The following SHISA8 variants were observed in gnomAD, a reference collection of about 807,000 sequenced individuals.
The protein encoded by SHISA8 is protein shisa-8.
Under a neutral mutation model 21.1 loss-of-function variants are expected in SHISA8, and 21 were observed. That is an observed-to-expected ratio of 0.99 (90% CI 0.71 to 1.43). SHISA8 has a LOEUF of 1.43. SHISA8 is among the 40% of genes most tolerant of loss of function. SHISA8 has a pLI of 0.00. For missense variants in SHISA8, 535 were observed against 599.1 expected, an observed-to-expected ratio of 0.89 and a Z score of 1.12; for synonymous variants, 300 against 291.4, an observed-to-expected ratio of 1.03 and a Z score of -0.30.
At chr22:41,912,939 C>T (rs1445558372) in intron 1 of SHISA8, among the ~76,000 whole-genome samples, 1 of 152,230 alleles carries the variant, frequency 6.6e-6, no homozygotes, top group Non-Finnish European at 1.5e-5. Context: ...TTTTCCCCGC[C>T]CCTGTCAAAG....
At chr22:41,911,389 C>A (rs1404253599) in intron 1 of SHISA8, 40 bp from the exon 2 acceptor site, 10 of 1,233,746 alleles carry the variant, frequency 8.1e-6, no homozygotes, top group Non-Finnish European at 9.1e-6. Context: ...CTGTCTCCCA[C>A]CTCATCAAAA....
Position 41,914,292 on chromosome 22 carries a change from C to T in SHISA8, c.376G>A (p.Asp126Asn). The change falls in exon 1 of 4, where the codon GAC becomes AAC. Residue 126 changes from aspartate to asparagine, a missense_variant. Physicochemically the swap from Asp to Asn is conservative, Grantham distance 23. Transcript: ENST00000621082. The surrounding 1 kb of genome is among the most constrained non-coding windows in gnomAD (Gnocchi z 6.8). ...CCGGGGTCCCGGGGCGCTGCGGTGT[C>T]GCGGGCGCGGGCGGGCGGCCGGCCT... Reference protein sequence around the residue: ...QTGRPPARARDTAAPRDPGRE... With the variant: ...QTGRPPARARNTAAPRDPGRE... 1 of 1,253,126 alleles carries T rather than the reference C, an allele frequency of 8.0e-7. No homozygotes were observed. Among genetic ancestry groups the T allele is most frequent in the East Asian group, 3.2e-5 (1 of 31,306 alleles). 77.6% of individuals were successfully genotyped at this position (1,253,126 alleles called of 1,614,324 possible).
chr22:41,910,409 T>TGCGGCCTTGAGCGCG lies in SHISA8; in HGVS notation c.795_809dup (p.Ala266_Ala270dup), dbSNP rs1015928793. 6.7e-6 allele frequency: 9 copies of TGCGGCCTTGAGCGCG among 1,348,090 alleles called. No individual in the cohort carries two copies. The highest frequency in any genetic ancestry group is 7.6e-6 in the Non-Finnish European group (8 of 1,050,152). The allele number at this position is 1,348,090 out of a possible 1,614,324, so 83.5% of individuals were successfully genotyped here. On this transcript the variant is annotated inframe_insertion and splice_region_variant, in exon 3 of 4. Transcript: ENST00000621082. This position sits in a 1 kb window ranked among gnomAD's most constrained non-coding sequence, Gnocchi z 6.8. ...ACGCTGCCCGCACCCGCCACTCACC[T>TGCGGCCTTGAGCGCG]GCGGCCTTGAGCGCGGCGGCCTTGA...
intron 1 of SHISA8, among the ~76,000 whole-genome samples, chr22:41,911,739 CTTT>C (rs889036419): frequency 6.6e-6 from 1 of 151,956 alleles, no homozygotes; most frequent in Non-Finnish European, 1.5e-5. Context: ...TCCAGGAATC[CTTT>C]TTTTTAATTT....
Position 41,914,812 on chromosome 22 carries a change from C to T in SHISA8, c.-145G>A. 1.8e-6 allele frequency: 1 copy of T among 551,986 alleles called. No individual in the cohort carries two copies. 34.2% of individuals were successfully genotyped at this position (551,986 alleles called of 1,614,324 possible). On this transcript the variant is annotated 5_prime_UTR_variant, in exon 1 of 4. Coordinates refer to ENST00000621082, the MANE Select transcript of SHISA8 (RefSeq NM_001207020.3). The surrounding 1 kb of genome is among the most constrained non-coding windows in gnomAD (Gnocchi z 6.8). ...TCGGCCTCCTCTGGGGACCCCAGCC[C>T]CGAGTGGGCTGGGTCTGGAGCTCCG...
chr22:41,914,764 C>G lies in SHISA8; in HGVS notation c.-97G>C. 1.1e-6 allele frequency: 1 copy of G among 899,606 alleles called. No homozygotes were observed. The highest frequency in any genetic ancestry group is 1.3e-6 in the Non-Finnish European group (1 of 750,732). 55.7% of individuals were successfully genotyped at this position (899,606 alleles called of 1,614,324 possible). A position where few individuals can be genotyped will look rare whatever the true frequency, so the allele number is the denominator to read the frequency against. On this transcript the variant is annotated 5_prime_UTR_variant, in exon 1 of 4. Transcript: ENST00000621082. This position sits in a 1 kb window ranked among gnomAD's most constrained non-coding sequence, Gnocchi z 6.8. ...CGCTCCCGCAGGGATCGCGCTGGCTCCCGGCGCACGCCGCCTCGGCCGTCG... is the reference window on the plus strand; with the variant it reads ...CGCTCCCGCAGGGATCGCGCTGGCTGCCGGCGCACGCCGCCTCGGCCGTCG...
intron 1 of SHISA8, 23 bp from the exon 2 acceptor site, chr22:41,911,372 T>A: frequency 5.7e-6 from 7 of 1,235,794 alleles, no homozygotes; most frequent in Non-Finnish European, 7.1e-6. Flanking sequence ...CAGTCAGGGG[T>A]GGCCCTCTGT....
At position 41,910,175 on chromosome 22, in the gene SHISA8, C is replaced by A; in HGVS notation, c.812-28G>T. ...GCGGGGACAGGGCAGGGAAGAGTGA[C>A]GCCGCGCCGAGCACCCAAGCTCAGG... On this transcript the variant is annotated intron_variant, in intron 3 of 3. Coordinates refer to ENST00000621082, the MANE Select transcript of SHISA8 (RefSeq NM_001207020.3). This position sits in a 1 kb window ranked among gnomAD's most constrained non-coding sequence, Gnocchi z 6.8. 2 of 1,229,390 alleles carry A rather than the reference C, an allele frequency of 1.6e-6. No individual in the cohort carries two copies. Among genetic ancestry groups the A allele is most frequent in the Non-Finnish European group, 2.0e-6 (2 of 987,436 alleles). 76.2% of individuals were successfully genotyped at this position (1,229,390 alleles called of 1,614,324 possible). A position where few individuals can be genotyped will look rare whatever the true frequency, so the allele number is the denominator to read the frequency against.
At position 41,914,356 on chromosome 22, in the gene SHISA8, G is replaced by T; in HGVS notation, c.312C>A (p.Ser104Arg). The T allele has an allele frequency of 7.9e-7, 1 of 1,273,632 alleles. No homozygotes were observed. The highest frequency in any genetic ancestry group is 9.9e-7 in the Non-Finnish European group (1 of 1,009,438). 78.9% of individuals were successfully genotyped at this position (1,273,632 alleles called of 1,614,324 possible). Reference protein sequence around the residue: ...CHDGPRRLDQSRCSNYDTPAW... With the variant: ...CHDGPRRLDQRRCSNYDTPAW... Reference sequence around the variant, plus strand: ...CCGGCGTGTCGTAGTTGGAACAGCGGCTCTGGTCGAGGCGCCGCGGCCCGT... The same window carrying T: ...CCGGCGTGTCGTAGTTGGAACAGCGTCTCTGGTCGAGGCGCCGCGGCCCGT... Residue 104 changes from serine (S) to arginine (R), a missense_variant, in exon 1 of 4, where the codon AGC (serine) becomes AGA (arginine). Coordinates refer to ENST00000621082, the MANE Select transcript of SHISA8 (RefSeq NM_001207020.3). This position sits in a 1 kb window ranked among gnomAD's most constrained non-coding sequence, Gnocchi z 6.8.
intron 2 of SHISA8, among the ~76,000 whole-genome samples, chr22:41,911,011 C>T (rs1256547054): frequency 1.3e-5 from 2 of 152,166 alleles, no homozygotes; most frequent in Non-Finnish European, 2.9e-5. Flanking sequence ...CACATCACAG[C>T]CCCCCAGACT....
Position 41,910,051 on chromosome 22 carries a change from G to A in SHISA8, c.908C>T (p.Pro303Leu). ...ARAPRPSPDL[P>L]APLDACPWAP... ...CCAGGGGCAGGCGTCCAGCGGCGCA[G>A]GCAAGTCCGGGGATGGTCGCGGAGC... Residue 303 changes from proline (P) to leucine (L), a missense_variant, in exon 4 of 4, where the codon CCT becomes CTT. Transcript: ENST00000621082. The surrounding 1 kb of genome is among the most constrained non-coding windows in gnomAD (Gnocchi z 6.8). 2 of 1,254,770 alleles carry A rather than the reference G, an allele frequency of 1.6e-6. No homozygotes were observed. The highest frequency in any genetic ancestry group is 2.0e-6 in the Non-Finnish European group (2 of 1,004,862). 77.7% of individuals were successfully genotyped at this position (1,254,770 alleles called of 1,614,324 possible).
chr22:41,914,486 C>A lies in SHISA8; in HGVS notation c.182G>T (p.Arg61Leu). 7.7e-7 allele frequency: 1 copy of A among 1,294,202 alleles called. No individual in the cohort carries two copies. Among genetic ancestry groups the A allele is most frequent in the Non-Finnish European group, 9.8e-7 (1 of 1,018,206 alleles). The allele number at this position is 1,294,202 out of a possible 1,614,324, so 80.2% of individuals were successfully genotyped here. ...CTGGCCCATCACGTCGTAGTAGCCGCGGCAGCGGTCGCCCCCCTCCGGGGC... is the reference window on the plus strand; with the variant it reads ...CTGGCCCATCACGTCGTAGTAGCCGAGGCAGCGGTCGCCCCCCTCCGGGGC... ...TTAPEGGDRC[R>L]GYYDVMGQWD... is the part of the protein sequence containing the mutation. The change falls in exon 1 of 4, where the codon CGC becomes CTC. Residue 61 changes from arginine to leucine, a missense_variant. Physicochemically the swap from Arg to Leu is moderately radical, Grantham distance 102 (BLOSUM62 -2). Coordinates refer to ENST00000621082, the MANE Select transcript of SHISA8 (RefSeq NM_001207020.3). This position sits in a 1 kb window ranked among gnomAD's most constrained non-coding sequence, Gnocchi z 6.8.
Position 41,910,676 on chromosome 22 carries a change from G to C in SHISA8, c.665-122C>G. ...GAGAACCTGGGGGACCGTTCTCCGG[G>C]CGAGGCTGCGAGCCAAGCCTGTCTT... On this transcript the variant is annotated intron_variant, in intron 2 of 3. Coordinates refer to ENST00000621082, the MANE Select transcript of SHISA8 (RefSeq NM_001207020.3). The surrounding 1 kb of genome is among the most constrained non-coding windows in gnomAD (Gnocchi z 6.8). The C allele has an allele frequency of 2.7e-6, 3 of 1,118,172 alleles. No individual in the cohort carries two copies. Among genetic ancestry groups the C allele is most frequent in the Non-Finnish European group, 3.4e-6 (3 of 892,184 alleles). 69.3% of individuals were successfully genotyped at this position (1,118,172 alleles called of 1,614,324 possible).
At chr22:41,912,961 C>A (rs1399704088) in intron 1 of SHISA8, among the ~76,000 whole-genome samples, 1 of 152,256 alleles carries the variant, frequency 6.6e-6, no homozygotes. Context: ...CATATCCAGG[C>A]CTCTTCCAAG....
chr22:41,914,291 T>C lies in SHISA8; in HGVS notation c.377A>G (p.Asp126Gly), dbSNP rs1195253520. 2 of 1,254,124 alleles carry C rather than the reference T, an allele frequency of 1.6e-6. No homozygotes were observed. The highest frequency in any genetic ancestry group is 1.6e-5 in the African/African-American group (1 of 63,984). The allele number at this position is 1,254,124 out of a possible 1,614,324, so 77.7% of individuals were successfully genotyped here. ...GCCGGGGTCCCGGGGCGCTGCGGTG[T>C]CGCGGGCGCGGGCGGGCGGCCGGCC... Reference protein sequence around the residue: ...QTGRPPARARDTAAPRDPGRE... With the variant: ...QTGRPPARARGTAAPRDPGRE... The change falls in exon 1 of 4, where the codon GAC (aspartate) becomes GGC (glycine). Residue 126 changes from aspartate to glycine, a missense_variant. Transcript: ENST00000621082. This position sits in a 1 kb window ranked among gnomAD's most constrained non-coding sequence, Gnocchi z 6.8.
intron 1 of SHISA8, 125 bp from the exon 2 acceptor site, chr22:41,911,474 G>A: frequency 9.3e-7 from 1 of 1,080,814 alleles, no homozygotes; most frequent in Non-Finnish European, 1.2e-6. Context: ...GTCCTCTCCG[G>A]TGCTCGAAAT....
At position 41,909,999 on chromosome 22, in the gene SHISA8, G is replaced by A; in HGVS notation, c.960C>T (p.Ala320=). The change falls in exon 4 of 4, where the codon GCC becomes GCT. Residue 320 remains alanine (A), a synonymous_variant. Transcript: ENST00000621082. ...TCCAGGCGGCATAGGGGCCCGGCGC[G>A]GCAGGGGGCGCGTAGACCGGCGGGG... ...PWAPPVYAPP[A]APGPYAAWTS... is the part of the protein sequence containing the mutation. 1 of 1,304,014 alleles carries A rather than the reference G, an allele frequency of 7.7e-7. No homozygotes were observed. Among genetic ancestry groups the A allele is most frequent in the Non-Finnish European group, 9.7e-7 (1 of 1,034,198 alleles). The allele number at this position is 1,304,014 out of a possible 1,614,324, so 80.8% of individuals were successfully genotyped here. A position where few individuals can be genotyped will look rare whatever the true frequency, so the allele number is the denominator to read the frequency against.
Position 41,911,080 on chromosome 22 carries a change from G to A in SHISA8, c.664+136C>T, listed in dbSNP as rs1482744461. On this transcript the variant is annotated intron_variant, in intron 2 of 3. Transcript: ENST00000621082. ...ACCCTGGCGAGCTGGCTGGCCGGTC[G>A]GGCCCCTCACCCGCAGAGGCCGCGG... The A allele has an allele frequency of 7.0e-6, 8 of 1,144,142 alleles. No homozygotes were observed. In the Admixed American group the frequency reaches 2.5e-4, roughly 36 times the overall value. 70.9% of individuals were successfully genotyped at this position (1,144,142 alleles called of 1,614,324 possible).
chr22:41,913,267 C>T (rs556955314), intron 1 of SHISA8, among the ~76,000 whole-genome samples: 1 of 152,366 alleles, frequency 6.6e-6, no homozygotes, highest in East Asian at 1.9e-4. Flanking sequence ...TCTCTATGGT[C>T]ACTTTTAAAT....
Sources: allele counts gnomAD v4.1 joint callset (sites outside exome capture counted in the v4.1 genomes callset), GRCh38; gene constraint gnomAD v4.1.1; non-coding constraint Gnocchi (gnomAD v3.1); transcripts MANE v1.5; gene names NCBI Gene and HGNC (gene_info 2026-07-23, HGNC 2026-07-21).